Variants in KIF26B observed in about 807,000 individuals in gnomAD.
KIF26B encodes kinesin family member 26B, also known as kinesin-like protein KIF26B.
Under a neutral mutation model 151.2 loss-of-function variants are expected in KIF26B, and 63 were observed. The observed-to-expected ratio is 0.42, with a 90% CI of 0.34 to 0.51. The LOEUF (loss-of-function observed/expected upper bound fraction) is 0.51. KIF26B is among the 20% of genes least tolerant of loss of function. The pLI is 0.07. For missense variants in KIF26B, 2,813 were observed against 2,913.6 expected (o/e 0.97, Z 0.79); for synonymous variants, 1,357 against 1,262.1 (o/e 1.08, Z -1.59).
At chr1:245,458,338 A>G (rs1196539180) in intron 4 of KIF26B, among the ~76,000 whole-genome samples, 2 of 152,172 alleles carry the variant, frequency 1.3e-5, no homozygotes, top group African/African-American at 2.4e-5. Flanking sequence ...GAAAACTCCA[A>G]CAAACCGAAG....
chr1:245,689,905 G>A (rs1414629579), intron 12 of KIF26B, among the ~76,000 whole-genome samples: 1 of 152,136 alleles, frequency 6.6e-6, no homozygotes, highest in African/African-American at 2.4e-5. Context: ...ACGTACTCCA[G>A]AATAATTAAT....
Position 245,156,518 on chromosome 1 carries a change from G to T in KIF26B, c.300G>T (p.Leu100Phe). Reference protein sequence around the residue: ...PGIGTSSPGSLGGSPGFGTGS... With the variant: ...PGIGTSSPGSFGGSPGFGTGS... ...TCGGCACTAGTTCGCCGGGCTCCTT[G>T]GGCGGCTCTCCGGGCTTCGGCACAG... The change falls in exon 2 of 15, where the codon TTG (leucine) becomes TTT (phenylalanine). Residue 100 changes from leucine to phenylalanine, a missense_variant. Transcript: ENST00000407071. 1 of 1,532,780 alleles carries T rather than the reference G, an allele frequency of 6.5e-7. No homozygotes were observed. 94.9% of individuals were successfully genotyped at this position (1,532,780 alleles called of 1,614,324 possible). A position where few individuals can be genotyped will look rare whatever the true frequency, so the allele number is the denominator to read the frequency against.
At position 245,685,558 on chromosome 1, in the gene KIF26B, G is replaced by A; in HGVS notation, c.2575G>A (p.Glu859Lys). 3.7e-6 allele frequency: 6 copies of A among 1,613,726 alleles called. No homozygotes were observed. The East Asian group carries it at 6.7e-5, about 18-fold the overall frequency. The change falls in exon 12 of 15, where the codon GAG becomes AAG. Residue 859 changes from glutamate (E) to lysine (K), a missense_variant. Coordinates refer to ENST00000407071, the MANE Select transcript of KIF26B (RefSeq NM_018012.4). ...CGACCCCGACTACTCCTCCAGCAGC[G>A]AGCAGTCCTGCGACACCGTCATCTA... ...SSDPDYSSSS[E>K]QSCDTVIYIG...
At chr1:245,672,295 T>C (rs2044297272) in intron 10 of KIF26B, among the ~76,000 whole-genome samples, 1 of 152,166 alleles carries the variant, frequency 6.6e-6, no homozygotes, top group African/African-American at 2.4e-5. Context: ...AGGAGGTGGC[T>C]CGTCCTGACC....
intron 4 of KIF26B, among the ~76,000 whole-genome samples, chr1:245,494,740 C>A (rs1660477598): frequency 6.6e-6 from 1 of 152,072 alleles, no homozygotes; most frequent in South Asian, 2.1e-4. Flanking sequence ...AATGGGAATT[C>A]ATAAAAAGAA....
chr1:245,470,416 G>A (rs994038816), intron 4 of KIF26B, among the ~76,000 whole-genome samples: 1 of 144,826 alleles, frequency 6.9e-6, no homozygotes, highest in Non-Finnish European at 1.5e-5. Context: ...TTTTTCTGAA[G>A]CATAATGCCA....
intron 2 of KIF26B, among the ~76,000 whole-genome samples, chr1:245,353,179 T>C (rs6676188): frequency 0.047 from 7,213 of 152,248 alleles, 468 homozygotes; most frequent in East Asian, 0.27. Flanking sequence ...TCTGTCAAAC[T>C]CTAGGCTCCT....
chr1:245,508,644 C>T (rs1660771877), intron 4 of KIF26B, among the ~76,000 whole-genome samples: 1 of 152,080 alleles, frequency 6.6e-6, no homozygotes, highest in South Asian at 2.1e-4. Flanking sequence ...CGTTTTCATA[C>T]ATTGGGGCTA....
intron 2 of KIF26B, among the ~76,000 whole-genome samples, chr1:245,161,945 G>A (rs974325343): frequency 1.4e-4 from 22 of 152,156 alleles, no homozygotes; most frequent in African/African-American, 5.3e-4. Context: ...GTTCTGAGTT[G>A]AGGAATTGTC....
At chr1:245,608,334 G>T (rs78021306) in intron 7 of KIF26B, among the ~76,000 whole-genome samples, 2 of 152,104 alleles carry the variant, frequency 1.3e-5, no homozygotes, top group African/African-American at 4.8e-5. Flanking sequence ...GCCCTTACAC[G>T]CTTGATATGT....
chr1:245,608,261 T>G (rs961752335), intron 7 of KIF26B, among the ~76,000 whole-genome samples: 9 of 151,990 alleles, frequency 5.9e-5, no homozygotes, highest in Non-Finnish European at 1.2e-4. Flanking sequence ...CAACAAGGGG[T>G]TCATAAATCC....
intron 4 of KIF26B, among the ~76,000 whole-genome samples, chr1:245,443,528 T>C (rs1659170034): frequency 9.8e-6 from 1 of 101,938 alleles, no homozygotes; most frequent in African/African-American, 3.3e-5. Context: ...CCTGCGGTCA[T>C]CTCCCTCACT....
In KIF26B at chr1:245,609,503, G is replaced by T. The variant is rs1477523716; in HGVS notation, c.1889G>T (p.Cys630Phe). Residue 630 changes from cysteine to phenylalanine, a missense_variant, in exon 8 of 15, where the codon TGT (cysteine) becomes TTT (phenylalanine). Coordinates refer to ENST00000407071, the MANE Select transcript of KIF26B (RefSeq NM_018012.4). Reference protein sequence around the residue: ...QDGQSPGVYLCEDPICGTQLQ... With the variant: ...QDGQSPGVYLFEDPICGTQLQ... Reference sequence around the variant, plus strand: ...GGCCAGTCCCCGGGCGTGTACCTCTGTGAGGACCCCATCTGCGGCACGCAG... The same window carrying T: ...GGCCAGTCCCCGGGCGTGTACCTCTTTGAGGACCCCATCTGCGGCACGCAG... 6.3e-7 allele frequency: 1 copy of T among 1,575,550 alleles called. No individual in the cohort carries two copies.
intron 2 of KIF26B, among the ~76,000 whole-genome samples, chr1:245,181,514 T>TAA (rs369608495): frequency 0.16 from 15,856 of 97,758 alleles, 1,015 homozygotes; most frequent in South Asian, 0.35. Context: ...GTAGTAAAGT[T>TAA]AAAAAAAAAA....
At position 245,166,976 on chromosome 1, in the gene KIF26B, T is replaced by C. The variant is rs1452131921; in HGVS notation, c.465+10293T>C. 2.6e-5 allele frequency among the ~76,000 whole-genome samples: 4 copies of C among 152,244 alleles called. No homozygotes were observed. The highest frequency in any genetic ancestry group is 5.9e-5 in the Non-Finnish European group (4 of 68,036). ...GGTAGAGTAAGTATTATTAATTTTTTAAATATGCAGAACGATAAATATGTC... is the reference window on the plus strand; with the variant it reads ...GGTAGAGTAAGTATTATTAATTTTTCAAATATGCAGAACGATAAATATGTC... On this transcript the variant is annotated intron_variant, in intron 2 of 14. Transcript: ENST00000407071. This position sits in a 1 kb window ranked among gnomAD's most constrained non-coding sequence, Gnocchi z 4.5.
At chr1:245,664,686 G>T (rs1260059873) in intron 10 of KIF26B, among the ~76,000 whole-genome samples, 1 of 152,030 alleles carries the variant, frequency 6.6e-6, no homozygotes, top group Non-Finnish European at 1.5e-5. Flanking sequence ...GTAGAAAAAG[G>T]TTAAAACTGC....
At chr1:245,182,366 T>C (rs1253051683) in intron 2 of KIF26B, among the ~76,000 whole-genome samples, 1 of 152,230 alleles carries the variant, frequency 6.6e-6, no homozygotes, top group African/African-American at 2.4e-5. Context: ...GTTGGTACAG[T>C]GTTTTCAAGG....
chr1:245,467,301 T>C (rs1027592376), intron 4 of KIF26B, among the ~76,000 whole-genome samples: 19 of 152,248 alleles, frequency 1.2e-4, no homozygotes, highest in Non-Finnish European at 1.0e-4. Context: ...ATTCTGTGTT[T>C]CGGTCTCATC....
At chr1:245,464,920 C>T (rs1304546801) in intron 4 of KIF26B, among the ~76,000 whole-genome samples, 9 of 151,878 alleles carry the variant, frequency 5.9e-5, no homozygotes, top group Non-Finnish European at 1.0e-4. Context: ...ACAGGAGCCA[C>T]GTGGACACTG....
Sources: gnomAD v4.1 joint callset for allele counts (sites outside exome capture counted in the v4.1 genomes callset) on GRCh38, gnomAD v4.1.1 for gene constraint, Gnocchi (gnomAD v3.1) non-coding constraint, MANE v1.5 for transcripts, NCBI Gene and HGNC (gene_info 2026-07-23, HGNC 2026-07-21) for gene names.